VMA21: variants seen among roughly 807,000 people sequenced by gnomAD.
VMA21 encodes vacuolar ATPase assembly factor VMA21.
For missense variants in VMA21, 61 were observed against 80.6 expected, an observed-to-expected ratio of 0.76 and a Z score of 0.93; for synonymous variants, 47 against 34.1, an observed-to-expected ratio of 1.38 and a Z score of -1.32.
At chrX:151,401,431 A>T (rs2011236191) in intron 1 of VMA21, among the ~76,000 whole-genome samples, 1 of 112,239 alleles carries the variant, frequency 8.9e-6, no homozygotes, top group African/African-American at 3.2e-5. Context: ...CTATAACTGT[A>T]ATATTTTAAA....
chrX:151,400,009 ATC>A (rs1195836108), intron 1 of VMA21, among the ~76,000 whole-genome samples: 1 of 111,612 alleles, frequency 9.0e-6, no homozygotes, highest in African/African-American at 3.3e-5. Flanking sequence ...AGATTAATAT[ATC>A]TGTCATCTCA....
Position 151,404,851 on chromosome X carries a change from T to TG in VMA21, c.164-65_164-64insG. 1.1e-5 allele frequency: 6 copies of TG among 545,855 alleles called. No homozygotes were observed. The African/African-American group carries it at 1.5e-4, about 14-fold the overall frequency. The allele number at this position is 545,855 out of a possible 1,213,427, so 45.0% of individuals were successfully genotyped here. On this transcript the variant is annotated intron_variant, in intron 2 of 2. Coordinates refer to ENST00000330374, the MANE Select transcript of VMA21 (RefSeq NM_001017980.4). The stretch of plus-strand genomic sequence containing the variant: ...ACATCATAAAAATTAGGATGCTTTG[T>TG]TTTTTTTTTTTGTACTTTGGTAAAT...
intron 1 of VMA21, among the ~76,000 whole-genome samples, chrX:151,397,853 G>C (rs985634947): frequency 8.9e-6 from 1 of 112,050 alleles, no homozygotes; most frequent in African/African-American, 3.2e-5. Context: ...GAATGTATGA[G>C]AGAGCAGGTG....
intron 1 of VMA21, among the ~76,000 whole-genome samples, chrX:151,400,801 T>C (rs2011231516): frequency 8.9e-6 from 1 of 111,841 alleles, no homozygotes; most frequent in Non-Finnish European, 1.9e-5. Flanking sequence ...GATTTAGTGA[T>C]GTTGAGCACA....
At chrX:151,399,827 G>A (rs2011224255) in intron 1 of VMA21, among the ~76,000 whole-genome samples, 1 of 111,372 alleles carries the variant, frequency 9.0e-6, no homozygotes, top group Admixed American at 9.5e-5. Context: ...CATGTGCAGA[G>A]CATGTGATCA....
intron 1 of VMA21, 109 bp downstream of exon 1, chrX:151,397,470 A>C: frequency 1.1e-6 from 1 of 905,488 alleles, no homozygotes; most frequent in Non-Finnish European, 1.5e-6. Context: ...GACCCCGGGG[A>C]CCTGGCCTCA....
At chrX:151,397,911 T>A (rs2011206688) in intron 1 of VMA21, among the ~76,000 whole-genome samples, 1 of 111,562 alleles carries the variant, frequency 9.0e-6, no homozygotes, top group Non-Finnish European at 1.9e-5. Context: ...GAGTTAGCTA[T>A]CATTCGTTAA....
rs1488892621 is a variant in VMA21 at position 151,406,585 on chromosome X, T to A, written c.*1527T>A. The A allele has an allele frequency of 9.0e-6, 1 of 110,992 alleles. No individual in the cohort carries two copies. Among genetic ancestry groups the A allele is most frequent in the Non-Finnish European group, 1.9e-5 (1 of 53,006 alleles). The allele number at this position is 110,992 out of a possible 1,213,427, so 9.1% of individuals were successfully genotyped here. Reference sequence around the variant, plus strand: ...TTGTAGAGACGGGGTTTCACCATGTTGTCCAGGCTAATCTTGAACTTGTGA... The same window carrying A: ...TTGTAGAGACGGGGTTTCACCATGTAGTCCAGGCTAATCTTGAACTTGTGA... On this transcript the variant is annotated 3_prime_UTR_variant, in exon 3 of 3. Transcript: ENST00000330374.
At chrX:151,404,409 A>G (rs1206630053) in intron 2 of VMA21, among the ~76,000 whole-genome samples, 2 of 109,451 alleles carry the variant, frequency 1.8e-5, no homozygotes, top group Non-Finnish European at 3.8e-5. Flanking sequence ...GTTTAAAACA[A>G]TGTTTGTTTG....
chrX:151,397,399 GC>G, intron 1 of VMA21, 38 bp downstream of exon 1: 1 of 1,152,318 alleles, frequency 8.7e-7, no homozygotes. Context: ...AGGCGGACTG[GC>G]CCCAGCCTGG....
At chrX:151,401,078 T>A (rs2011233210) in intron 1 of VMA21, among the ~76,000 whole-genome samples, 2 of 112,421 alleles carry the variant, frequency 1.8e-5, no homozygotes, top group African/African-American at 6.5e-5. Flanking sequence ...AGCCTGAGCT[T>A]TTGGTGTGAT....
chrX:151,398,104 G>A (rs1314358074), intron 1 of VMA21, among the ~76,000 whole-genome samples: 4 of 109,946 alleles, frequency 3.6e-5, no homozygotes, highest in Admixed American at 9.7e-5. Context: ...GCTAACGTTT[G>A]ACCAAGCTCA....
chrX:151,398,188 T>TG (rs1431298808), intron 1 of VMA21, among the ~76,000 whole-genome samples: 4 of 108,295 alleles, frequency 3.7e-5, no homozygotes, highest in African/African-American at 1.4e-4. Context: ...TGAGTTTTTT[T>TG]TTTTTTTTTT....
At position 151,405,236 on chromosome X, in the gene VMA21, G is replaced by A. The variant is rs1294891756; in HGVS notation, c.*178G>A. On this transcript the variant is annotated 3_prime_UTR_variant, in exon 3 of 3. Transcript: ENST00000330374. Reference sequence around the variant, plus strand: ...TTGGTTTGTATATTCAGTTTTAACTGTATGAATCTGATTTGCAAATGAGAA... The same window carrying A: ...TTGGTTTGTATATTCAGTTTTAACTATATGAATCTGATTTGCAAATGAGAA... 2 of 464,809 alleles carry A rather than the reference G, an allele frequency of 4.3e-6. No homozygotes were observed. 38.3% of individuals were successfully genotyped at this position (464,809 alleles called of 1,213,427 possible). A position where few individuals can be genotyped will look rare whatever the true frequency, so the allele number is the denominator to read the frequency against.
Position 151,407,176 on chromosome X carries a change from G to A in VMA21, c.*2118G>A, listed in dbSNP as rs1408896798. On this transcript the variant is annotated 3_prime_UTR_variant, in exon 3 of 3. Coordinates refer to ENST00000330374, the MANE Select transcript of VMA21 (RefSeq NM_001017980.4). Reference sequence around the variant, plus strand: ...GGTTTCAGGCATTTGCTGAATAGGTGATGATACATGGGTATTTTTCTGCAA... The same window carrying A: ...GGTTTCAGGCATTTGCTGAATAGGTAATGATACATGGGTATTTTTCTGCAA... 1 of 112,794 alleles carries A rather than the reference G, an allele frequency of 8.9e-6. No homozygotes were observed. The highest frequency in any genetic ancestry group is 1.9e-5 in the Non-Finnish European group (1 of 53,355). 9.3% of individuals were successfully genotyped at this position (112,794 alleles called of 1,213,427 possible).
upstream of VMA21, chrX:151,397,111 G>GCGCCGCGCCGCGCCGCGC (rs2011197517): frequency 2.9e-6 from 1 of 341,161 alleles, no homozygotes; most frequent in African/African-American, 2.9e-5. Flanking sequence ...CGTCGCTGCG[G>GCGCCGCGCCGCGCCGCGC]CGCGCCGCGC....
chrX:151,397,949 C>T (rs772223310), intron 1 of VMA21, among the ~76,000 whole-genome samples: 1 of 111,414 alleles, frequency 9.0e-6, no homozygotes, highest in African/African-American at 3.3e-5. Context: ...GCTCAGTGCA[C>T]GTGCTTTACA....
rs976371455 is a variant in VMA21, at chrX:151,405,052, G to A, written c.300G>A (p.Gln100=). ...CACGACAGTGGCGTGAAGGCAAACA[G>A]GATTAAAGTGAACATCACCTTTTTA... The part of the protein sequence containing the change: ...EGSRQWREGK[Q]D The change falls in exon 3 of 3, where the codon CAG becomes CAA. Residue 100 remains glutamine, a synonymous_variant. Coordinates refer to ENST00000330374, the MANE Select transcript of VMA21 (RefSeq NM_001017980.4). 7.4e-6 allele frequency: 9 copies of A among 1,208,271 alleles called. No homozygotes were observed. The highest frequency in any genetic ancestry group is 1.0e-5 in the Non-Finnish European group (9 of 895,050).
At position 151,409,090 on chromosome X, in the gene VMA21, G is replaced by A. The variant is rs1048396; in HGVS notation, c.*4032G>A. 8.9e-6 allele frequency: 1 copy of A among 112,649 alleles called. No homozygotes were observed. Among genetic ancestry groups the A allele is most frequent in the Non-Finnish European group, 1.9e-5 (1 of 53,298 alleles). The allele number at this position is 112,649 out of a possible 1,213,427, so 9.3% of individuals were successfully genotyped here. On this transcript the variant is annotated 3_prime_UTR_variant, in exon 3 of 3. Coordinates refer to ENST00000330374, the MANE Select transcript of VMA21 (RefSeq NM_001017980.4). ...ATGTCTCTTGACGTCGATGCTAAAA[G>A]TGTTAGAATCTTTACATCACTAGAG...
Sources: allele counts gnomAD v4.1 joint callset (sites outside exome capture counted in the v4.1 genomes callset), GRCh38; gene constraint gnomAD v4.1.1; transcripts MANE v1.5; gene names NCBI Gene and HGNC (gene_info 2026-07-23, HGNC 2026-07-21).